GRIA1: variants seen among roughly 807,000 people sequenced by gnomAD.
GRIA1 encodes the protein glutamate ionotropic receptor AMPA type subunit 1.
Under a neutral mutation model 99.2 loss-of-function variants are expected in GRIA1, and 31 were observed. The ratio of observed to expected loss-of-function variants is 0.31; its 90% CI spans 0.23 to 0.42. The LOEUF is 0.42. GRIA1 is among the 10% of genes least tolerant of loss of function. GRIA1 has a pLI of 1.00. For missense variants in GRIA1, 782 were observed against 1,157.5 expected (o/e 0.68, Z 4.71); for synonymous variants, 438 against 432.4 (o/e 1.01, Z -0.16).
At chr5:153,584,987 A>G (rs1763346059) in intron 2 of GRIA1, among the ~76,000 whole-genome samples, 1 of 152,228 alleles carries the variant, frequency 6.6e-6, no homozygotes, top group African/African-American at 2.4e-5. Context: ...GTGATCATAC[A>G]TTCATTTTAT....
At chr5:153,609,790 T>C (rs573826895) in intron 2 of GRIA1, among the ~76,000 whole-genome samples, 1 of 152,188 alleles carries the variant, frequency 6.6e-6, no homozygotes, top group African/African-American at 2.4e-5. Flanking sequence ...CTCGATCTCC[T>C]GACCTTGTGA....
At chr5:153,684,631 C>G (rs891145896) in intron 7 of GRIA1, among the ~76,000 whole-genome samples, 19 of 152,162 alleles carry the variant, frequency 1.2e-4, no homozygotes, top group Admixed American at 9.8e-4. Context: ...ACATGGTACC[C>G]ACCAAACTAA....
chr5:153,577,129 G>A (rs1335975713), intron 2 of GRIA1, among the ~76,000 whole-genome samples: 3 of 129,584 alleles, frequency 2.3e-5, no homozygotes, highest in Non-Finnish European at 3.3e-5. Flanking sequence ...TAGATGAATG[G>A]GTGGATGGAT....
chr5:153,646,094 G>A (rs1754127878), intron 2 of GRIA1, among the ~76,000 whole-genome samples: 1 of 152,162 alleles, frequency 6.6e-6, no homozygotes, highest in African/African-American at 2.4e-5. Flanking sequence ...TATTAGCATC[G>A]TATTTTAATT....
At chr5:153,633,458 C>T (rs998841623) in intron 2 of GRIA1, among the ~76,000 whole-genome samples, 3 of 152,218 alleles carry the variant, frequency 2.0e-5, no homozygotes, top group African/African-American at 7.2e-5. Context: ...GCGATTCAAA[C>T]GTTGGTGCAA....
chr5:153,544,211 A>C (rs1319410258), intron 2 of GRIA1, among the ~76,000 whole-genome samples: 1 of 152,262 alleles, frequency 6.6e-6, no homozygotes, highest in African/African-American at 2.4e-5. Flanking sequence ...TATGCAGTCA[A>C]GTCAGTCTTT....
chr5:153,564,302 G>T (rs1411455141), intron 2 of GRIA1, among the ~76,000 whole-genome samples: 1 of 152,106 alleles, frequency 6.6e-6, no homozygotes, highest in Non-Finnish European at 1.5e-5. Flanking sequence ...ACTTCATGGG[G>T]GTCCAAATGC....
intron 2 of GRIA1, among the ~76,000 whole-genome samples, chr5:153,543,615 G>A (rs1350559890): frequency 3.9e-5 from 6 of 152,072 alleles, no homozygotes; most frequent in Admixed American, 3.3e-4. Flanking sequence ...GAGTGAGGGA[G>A]GGAGGAATTT....
At chr5:153,794,108 C>T (rs951024214) in intron 13 of GRIA1, among the ~76,000 whole-genome samples, 2 of 152,124 alleles carry the variant, frequency 1.3e-5, no homozygotes, top group Non-Finnish European at 2.9e-5. Flanking sequence ...TAATAGAATG[C>T]CAATCATGTT....
At chr5:153,622,699 C>G (rs939131780) in intron 2 of GRIA1, among the ~76,000 whole-genome samples, 2 of 152,110 alleles carry the variant, frequency 1.3e-5, no homozygotes, top group African/African-American at 4.8e-5. Flanking sequence ...CATATCACTA[C>G]CACTATTTTA....
intron 11 of GRIA1, among the ~76,000 whole-genome samples, chr5:153,732,663 C>T (rs1761120009): frequency 5.7e-5 from 1 of 17,498 alleles, no homozygotes; most frequent in African/African-American, 7.6e-4. Context: ...ATGTTTTCTC[C>T]AATTCCATAA....
intron 2 of GRIA1, among the ~76,000 whole-genome samples, chr5:153,644,634 T>G (rs969891464): frequency 2.0e-5 from 3 of 152,056 alleles, no homozygotes; most frequent in African/African-American, 7.2e-5. Context: ...GAAAATTATT[T>G]TAGATTAATT....
chr5:153,643,768 T>G (rs1435164113), intron 2 of GRIA1, among the ~76,000 whole-genome samples: 7 of 152,148 alleles, frequency 4.6e-5, no homozygotes, highest in African/African-American at 7.2e-5. Flanking sequence ...AGCACTCTGT[T>G]TAAGGTAAGA....
intron 2 of GRIA1, among the ~76,000 whole-genome samples, chr5:153,605,852 T>C (rs1027328798): frequency 6.6e-6 from 1 of 152,220 alleles, no homozygotes; most frequent in African/African-American, 2.4e-5. Context: ...GAGCCTTCAG[T>C]CAAATGTGTA....
At chr5:153,629,279 C>T (rs1752756275) in intron 2 of GRIA1, among the ~76,000 whole-genome samples, 1 of 152,200 alleles carries the variant, frequency 6.6e-6, no homozygotes, top group Admixed American at 6.5e-5. Context: ...TTCCACAAGG[C>T]ATCCTCAGCA....
rs1011512628 is a variant in GRIA1 at position 153,764,557 on chromosome 5, T to C, written c.1947T>C (p.Ser649=). The C allele has an allele frequency of 1.9e-6, 3 of 1,613,926 alleles. No homozygotes were observed. Among genetic ancestry groups the C allele is most frequent in the Non-Finnish European group, 2.5e-6 (3 of 1,179,894 alleles). The change falls in exon 12 of 16, where the codon AGT becomes AGC. Residue 649 remains serine (S), a synonymous_variant. Transcript: ENST00000285900. ...AGAGGATGGTGTCTCCCATTGAGAG[T>C]GCAGAGGACCTAGCGAAGCAGACAG... ...TVERMVSPIE[S]AEDLAKQTEI...
intron 5 of GRIA1, among the ~76,000 whole-genome samples, chr5:153,668,032 G>C (rs13161908): frequency 0.062 from 9,516 of 152,282 alleles, 312 homozygotes; most frequent in Middle Eastern, 0.13. Context: ...AGTGGATATA[G>C]AGAGGAGACA....
At chr5:153,661,176 G>T (rs1281797467) in intron 5 of GRIA1, among the ~76,000 whole-genome samples, 1 of 152,134 alleles carries the variant, frequency 6.6e-6, no homozygotes, top group Non-Finnish European at 1.5e-5. Context: ...ACTTTCTTCA[G>T]TGCCTCTCTT....
chr5:153,797,025 C>A (rs138412511), intron 14 of GRIA1, among the ~76,000 whole-genome samples: 1 of 152,320 alleles, frequency 6.6e-6, no homozygotes, highest in East Asian at 1.9e-4. Context: ...TCCGCTTGCT[C>A]CTTCCCCTTC....
Sources: gnomAD v4.1 joint callset for allele counts (sites outside exome capture counted in the v4.1 genomes callset) on GRCh38, gnomAD v4.1.1 for gene constraint, MANE v1.5 for transcripts, NCBI Gene and HGNC (gene_info 2026-07-23, HGNC 2026-07-21) for gene names.